CABIN1: variants seen among roughly 807,000 people sequenced by gnomAD.
The protein encoded by CABIN1 is calcineurin-binding protein cabin-1.
Under a neutral mutation model 227.7 loss-of-function variants are expected in CABIN1, and 133 were observed. The ratio of observed to expected loss-of-function variants is 0.58; its 90% CI spans 0.51 to 0.67. The LOEUF is 0.67. Among genes scored for constraint, CABIN1 ranks in the 30% least tolerant of loss-of-function variants. The probability of loss-of-function intolerance (pLI) is 0.00; values close to 1 mark genes in which losing one functional copy is unlikely to be tolerated. For synonymous variants in CABIN1, 1,086 were observed against 1,155.1 expected (o/e 0.94, Z 1.21); for missense variants, 2,408 against 2,852.5 (o/e 0.84, Z 3.55).
intron 1 of CABIN1, among the ~76,000 whole-genome samples, chr22:24,018,198 G>A (rs1359225383): frequency 6.6e-6 from 1 of 152,088 alleles, no homozygotes; most frequent in African/African-American, 2.4e-5. Context: ...AGGGGTATTA[G>A]TCCCTTGTCA....
intron 26 of CABIN1, among the ~76,000 whole-genome samples, chr22:24,107,525 C>T (rs893387049): frequency 6.6e-6 from 1 of 152,202 alleles, no homozygotes. Context: ...AGCAGAGTCC[C>T]CACTCAATTG....
At chr22:24,129,215 G>A (rs1296683780) in intron 28 of CABIN1, among the ~76,000 whole-genome samples, 1 of 152,224 alleles carries the variant, frequency 6.6e-6, no homozygotes, top group East Asian at 1.9e-4. Context: ...AAGGCTACAG[G>A]TAGGGATGCA....
intron 32 of CABIN1, 57 bp downstream of exon 32, chr22:24,167,370 G>A: frequency 6.5e-7 from 1 of 1,545,920 alleles, no homozygotes; most frequent in Non-Finnish European, 8.8e-7. Flanking sequence ...CCCCACTCTT[G>A]CCTTTCTATC....
At chr22:24,141,377 A>G (rs1293541945) in intron 29 of CABIN1, among the ~76,000 whole-genome samples, 2 of 150,996 alleles carry the variant, frequency 1.3e-5, no homozygotes, top group African/African-American at 4.9e-5. Flanking sequence ...CTGGTGGTCT[A>G]CCTCCCCTCT....
intron 12 of CABIN1, among the ~76,000 whole-genome samples, chr22:24,060,374 T>A (rs2039104015): frequency 6.6e-6 from 1 of 152,114 alleles, no homozygotes; most frequent in South Asian, 2.1e-4. Context: ...CTCACGGGGC[T>A]ATCAGGAGGC....
chr22:24,115,046 A>C (rs1197498331), intron 27 of CABIN1, among the ~76,000 whole-genome samples: 3 of 152,256 alleles, frequency 2.0e-5, no homozygotes. Flanking sequence ...AACACACTGT[A>C]GGAAGTTTGG....
Position 24,167,083 on chromosome 22 carries a change from C to A in CABIN1, c.5452C>A (p.Pro1818Thr). The A allele has an allele frequency of 6.5e-7, 1 of 1,544,492 alleles. No individual in the cohort carries two copies. Among genetic ancestry groups the A allele is most frequent in the Non-Finnish European group, 8.7e-7 (1 of 1,144,736 alleles). Residue 1818 changes from proline (P) to threonine (T), a missense_variant, in exon 32 of 37, where the codon CCA becomes ACA. By Grantham distance (38) the Pro-to-Thr change is conservative (BLOSUM62 -1). Around this residue, in one of 3 missense-constraint regions of CABIN1, gnomAD observed 714 missense variants for 773.8 expected, o/e 0.92. Transcript: ENST00000263119. ...QQPTPLTPAQPAPAPAPATTT... is the reference protein window; with the variant it reads ...QQPTPLTPAQTAPAPAPATTT... ...GCCCACCCCGCTCACCCCAGCCCAG[C>A]CAGCCCCCGCCCCCGCCCCCGCCAC... is the stretch of plus-strand genomic sequence containing the variant.
chr22:24,123,544 G>A (rs1039126066), intron 28 of CABIN1, among the ~76,000 whole-genome samples: 1 of 152,192 alleles, frequency 6.6e-6, no homozygotes, highest in Admixed American at 6.5e-5. Flanking sequence ...TTGAATGCAG[G>A]TTGTTAACAC....
intron 4 of CABIN1, 41 bp from the exon 5 acceptor site, chr22:24,041,098 T>G (rs1309296446): frequency 1.2e-6 from 2 of 1,613,810 alleles, no homozygotes; most frequent in African/African-American, 1.3e-5. Context: ...TTGCTGAGGC[T>G]TCAAGGTCTA....
chr22:24,134,388 C>T lies in CABIN1; in HGVS notation c.4719C>T (p.Cys1573=), dbSNP rs115976311. Residue 1573 remains cysteine (C), a synonymous_variant, in exon 29 of 37, where the codon TGC becomes TGT. Coordinates refer to ENST00000263119, the MANE Select transcript of CABIN1 (RefSeq NM_012295.4). The part of the protein sequence containing the change: ...LQHMPAQGLF[C]ERNKTNFFNG... ...ACATGCCGGCACAGGGGCTCTTCTG[C>T]GAGAGGAACAAGACCAATTTCTTCA... 2.0e-5 allele frequency: 32 copies of T among 1,613,874 alleles called. No homozygotes were observed. The highest frequency in any genetic ancestry group is 2.7e-5 in the African/African-American group (2 of 74,924).
Position 24,166,890 on chromosome 22 carries a change from A to G in CABIN1, c.5259A>G (p.Pro1753=), listed in dbSNP as rs751402470. 2.5e-6 allele frequency: 4 copies of G among 1,610,054 alleles called. No homozygotes were observed. The East Asian group carries it at 8.9e-5, about 36-fold the overall frequency. The change falls in exon 32 of 37, where the codon CCA becomes CCG. Residue 1753 remains proline (P), a synonymous_variant. Coordinates refer to ENST00000263119, the MANE Select transcript of CABIN1 (RefSeq NM_012295.4). ...GGGAGCGGAAGGATAAAGAGAGCCC[A>G]CGGGCAGGGCCCACTGAGCCCATGG... ...QSGERKDKES[P]RAGPTEPMDT...
intron 29 of CABIN1, among the ~76,000 whole-genome samples, chr22:24,140,050 GT>G (rs1315763085): frequency 6.6e-6 from 1 of 152,246 alleles, no homozygotes. Context: ...GCAGGGTGGG[GT>G]GCTGCTCAGC....
At position 24,066,970 on chromosome 22, in the gene CABIN1, T is replaced by C. The variant is rs767728760; in HGVS notation, c.2038-17T>C. ...TGAGGGGTTTACCCTCATACAGCATTGCCGGGCCTTTTTCAGATTGATAAG... is the reference window on the plus strand; with the variant it reads ...TGAGGGGTTTACCCTCATACAGCATCGCCGGGCCTTTTTCAGATTGATAAG... On this transcript the variant is annotated splice_polypyrimidine_tract_variant and intron_variant, in intron 15 of 36. Coordinates refer to ENST00000263119, the MANE Select transcript of CABIN1 (RefSeq NM_012295.4). 1.9e-6 allele frequency: 3 copies of C among 1,614,074 alleles called. No individual in the cohort carries two copies. In the South Asian group the frequency reaches 3.3e-5, roughly 18 times the overall value.
intron 28 of CABIN1, among the ~76,000 whole-genome samples, chr22:24,128,080 C>T (rs1322641861): frequency 5.3e-5 from 8 of 152,110 alleles, no homozygotes; most frequent in Non-Finnish European, 1.0e-4. Context: ...GGGACAGACC[C>T]CCACCCCCAT....
intron 23 of CABIN1, among the ~76,000 whole-genome samples, chr22:24,089,430 C>T: frequency 6.6e-6 from 1 of 152,166 alleles, no homozygotes; most frequent in Non-Finnish European, 1.5e-5. Flanking sequence ...AAGCTCAGGT[C>T]CTGAAACTGG....
At chr22:24,144,252 G>C (rs2044967938) in intron 29 of CABIN1, among the ~76,000 whole-genome samples, 1 of 152,246 alleles carries the variant, frequency 6.6e-6, no homozygotes, top group Admixed American at 6.5e-5. Flanking sequence ...AGTGATGTCT[G>C]CTGTGGACAT....
intron 13 of CABIN1, among the ~76,000 whole-genome samples, chr22:24,062,461 G>A (rs932882409): frequency 1.3e-5 from 2 of 148,372 alleles, no homozygotes; most frequent in African/African-American, 5.0e-5. Flanking sequence ...AGGCTCAAGT[G>A]ATTCTCCCAT....
At chr22:24,097,273 A>T (rs748128259) in intron 25 of CABIN1, among the ~76,000 whole-genome samples, 11 of 152,182 alleles carry the variant, frequency 7.2e-5, no homozygotes, top group Non-Finnish European at 1.3e-4. Context: ...AATGTGACAG[A>T]TCTCCTTCCA....
At chr22:24,086,346 T>G (rs949384520) in intron 22 of CABIN1, among the ~76,000 whole-genome samples, 1 of 152,254 alleles carries the variant, frequency 6.6e-6, no homozygotes, top group Non-Finnish European at 1.5e-5. Context: ...TTCAACAGAA[T>G]TAAGGCTCAT....
Sources: gnomAD v4.1 joint callset for allele counts (sites outside exome capture counted in the v4.1 genomes callset) on GRCh38, gnomAD v4.1.1 for gene constraint, gnomAD v4.1.1 regional missense constraint, MANE v1.5 for transcripts, NCBI Gene and HGNC (gene_info 2026-07-23, HGNC 2026-07-21) for gene names.